FTO: variants seen among roughly 807,000 people sequenced by gnomAD.
FTO encodes the protein alpha-ketoglutarate-dependent dioxygenase FTO.
A neutral mutation model predicts 63.9 loss-of-function variants in FTO; 47 were observed. The ratio of observed to expected loss-of-function variants is 0.74; its 90% confidence interval spans 0.58 to 0.94. FTO has a LOEUF of 0.94. Ranked by LOEUF, FTO falls within the 40% of genes least tolerant of loss-of-function variation. The pLI, the probability that FTO is intolerant of heterozygous loss-of-function variation, is 0.00. For synonymous variants in FTO, 207 were observed against 224.4 expected (o/e 0.92, Z 0.69); for missense variants, 562 against 618.1 (o/e 0.91, Z 0.96).
intron 1 of FTO, among the ~76,000 whole-genome samples, chr16:53,798,305 G>T (rs1186056503): frequency 6.6e-6 from 1 of 151,958 alleles, no homozygotes; most frequent in Non-Finnish European, 1.5e-5. Context: ...GTTTCTAAGT[G>T]AATTTTAGAA....
rs1362827166 is a variant in FTO at position 54,113,558 on chromosome 16, C to G, written c.*1643C>G. On this transcript the variant is annotated 3_prime_UTR_variant, in exon 9 of 9. Coordinates refer to ENST00000471389, the MANE Select transcript of FTO (RefSeq NM_001080432.3). ...CCTGGTGTCTTTGAGCCTCAGTTTCCTCATTGGTAAAAGAGAAGTGAAGCA... is the reference window on the plus strand; with the variant it reads ...CCTGGTGTCTTTGAGCCTCAGTTTCGTCATTGGTAAAAGAGAAGTGAAGCA... The G allele has an allele frequency of 6.6e-6, 1 of 152,126 alleles. No individual in the cohort carries two copies. The highest frequency in any genetic ancestry group is 1.9e-4 in the East Asian group (1 of 5,194). 9.4% of individuals were successfully genotyped at this position (152,126 alleles called of 1,614,324 possible).
At chr16:54,013,408 A>G (rs1029488490) in intron 8 of FTO, 5 of 151,422 alleles carry the variant, frequency 3.3e-5, no homozygotes, top group Non-Finnish European at 5.9e-5. Flanking sequence ...ACTGTGAACA[A>G]TGTTGGAATA....
intron 1 of FTO, among the ~76,000 whole-genome samples, chr16:53,710,771 G>T (rs778428457): frequency 6.6e-6 from 1 of 152,170 alleles, no homozygotes; most frequent in Non-Finnish European, 1.5e-5. Context: ...AAAAACTTAA[G>T]TATCTGGTAA....
intron 3 of FTO, among the ~76,000 whole-genome samples, chr16:53,827,925 T>C (rs1045229234): frequency 6.6e-6 from 1 of 152,220 alleles, no homozygotes; most frequent in Non-Finnish European, 1.5e-5. Flanking sequence ...CAGTGGTATG[T>C]GATAGTACAA....
At position 54,065,220 on chromosome 16, in the gene FTO, C is replaced by T. The variant is rs968081364; in HGVS notation, c.1365-46542C>T. Among the ~76,000 whole-genome samples, 5 of 151,136 alleles carry T rather than the reference C, an allele frequency of 3.3e-5. No individual in the cohort carries two copies. The East Asian group carries it at 9.8e-4, about 30-fold the overall frequency. ...TCATCCAGTCTGGAGTGCAGTGGTG[C>T]AATCATAGCTCACTGCAGCCTCAAA... On this transcript the variant is annotated intron_variant, in intron 8 of 8. Transcript: ENST00000471389.
intron 1 of FTO, among the ~76,000 whole-genome samples, chr16:53,782,196 T>G (rs1051757777): frequency 6.6e-6 from 1 of 152,244 alleles, no homozygotes; most frequent in Non-Finnish European, 1.5e-5. Context: ...TGTTTTGTTT[T>G]GGCTTTCTGC....
rs145330488 is a variant in FTO, at chr16:53,852,153, G to A, written c.895+7855G>A. On this transcript the variant is annotated intron_variant, in intron 4 of 8. Transcript: ENST00000471389. ...AAGCCAGGTATGGTGGCAAACACCCGTGGTCACAACTACTTGGGAGGTTGA... is the reference window on the plus strand; with the variant it reads ...AAGCCAGGTATGGTGGCAAACACCCATGGTCACAACTACTTGGGAGGTTGA... Among the ~76,000 whole-genome samples the A allele has an allele frequency of 9.8e-3, 1,412 of 144,762 alleles. 10 individuals carry two copies. Among genetic ancestry groups the A allele is most frequent in the Non-Finnish European group, 0.013 (874 of 66,998 alleles). 95.0% of individuals were successfully genotyped at this position (144,762 alleles called of 152,430 possible). A position where few individuals can be genotyped will look rare whatever the true frequency, so the allele number is the denominator to read the frequency against.
chr16:53,938,455 A>G (rs1042155766), intron 8 of FTO, among the ~76,000 whole-genome samples: 1 of 152,220 alleles, frequency 6.6e-6, no homozygotes, highest in Non-Finnish European at 1.5e-5. Flanking sequence ...CAGACCAGTG[A>G]TGATGGAGGC....
chr16:53,804,148 A>G (rs1479693133), intron 1 of FTO, among the ~76,000 whole-genome samples: 1 of 152,202 alleles, frequency 6.6e-6, no homozygotes, highest in African/African-American at 2.4e-5. Context: ...GTTGCAAATC[A>G]TGCACCTAGA....
intron 8 of FTO, among the ~76,000 whole-genome samples, chr16:53,988,057 G>A (rs1486411757): frequency 6.6e-6 from 1 of 152,026 alleles, no homozygotes; most frequent in African/African-American, 2.4e-5. Flanking sequence ...CTGTTAATAG[G>A]ATTTATAAAA....
At chr16:53,882,344 A>T (rs757440801) in intron 6 of FTO, among the ~76,000 whole-genome samples, 23 of 150,912 alleles carry the variant, frequency 1.5e-4, no homozygotes, top group Non-Finnish European at 2.5e-4. Flanking sequence ...TAAATTATAC[A>T]GTATGTTAGA....
At chr16:53,937,617 G>C (rs1465584747) in intron 8 of FTO, 1 of 194,408 alleles carries the variant, frequency 5.1e-6, no homozygotes, top group Non-Finnish European at 1.0e-5. Context: ...AGTGAGAGGA[G>C]GGTGGGGCCC....
intron 4 of FTO, among the ~76,000 whole-genome samples, chr16:53,855,432 G>A (rs1259568668): frequency 1.1e-4 from 17 of 152,068 alleles, no homozygotes; most frequent in Non-Finnish European, 1.9e-4. Flanking sequence ...TTCCAGGCAA[G>A]GACTGTTTTA....
intron 1 of FTO, among the ~76,000 whole-genome samples, chr16:53,739,346 T>C (rs148416704): frequency 0.31 from 46,163 of 150,486 alleles, 8,587 homozygotes; most frequent in Middle Eastern, 0.44. Context: ...GCTGGGACTA[T>C]AGGCGCCCGC....
In FTO at chr16:53,954,220, A is replaced by AT. The variant is rs376639217; in HGVS notation, c.1364+20111_1364+20112insT. ...ATTTAAGCACATCTCGAGAATGAGG[A>AT]GTTAGTAAGAGTTGTTGAAATCAAA... On this transcript the variant is annotated intron_variant, in intron 8 of 8. Transcript: ENST00000471389. Among the ~76,000 whole-genome samples, 1,181 of 152,302 alleles carry AT rather than the reference A, an allele frequency of 7.8e-3. 12 individuals are homozygous for AT. The highest frequency in any genetic ancestry group is 0.027 in the African/African-American group (1,106 of 41,568).
chr16:53,824,511 T>A (rs1174335708), intron 2 of FTO, among the ~76,000 whole-genome samples: 1 of 152,198 alleles, frequency 6.6e-6, no homozygotes, highest in Non-Finnish European at 1.5e-5. Context: ...AATTTGGGGT[T>A]GCTTTTCTTT....
chr16:54,088,228 A>G (rs1253522735), intron 8 of FTO, among the ~76,000 whole-genome samples: 7 of 152,214 alleles, frequency 4.6e-5, no homozygotes, highest in African/African-American at 1.2e-4. Flanking sequence ...TTATTATGCC[A>G]TACAAATCAA....
chr16:53,744,447 T>C (rs2076600510), intron 1 of FTO, among the ~76,000 whole-genome samples: 1 of 152,202 alleles, frequency 6.6e-6, no homozygotes, highest in Admixed American at 6.5e-5. Context: ...TCTAGTTGAC[T>C]CCCCAGTTGT....
rs372934370 is a variant in FTO, at chr16:53,719,355, C to T, written c.45+15126C>T. On this transcript the variant is annotated intron_variant, in intron 1 of 8. Coordinates refer to ENST00000471389, the MANE Select transcript of FTO (RefSeq NM_001080432.3). ...CAAACAGTTCTCCTGCTTCAGCCCC[C>T]CGAGTAGCTGGGATTACAGGCGTGC... is the stretch of plus-strand genomic sequence containing the variant. 4.6e-5 allele frequency among the ~76,000 whole-genome samples: 7 copies of T among 151,736 alleles called. 1 individual carries two copies. The highest frequency in any genetic ancestry group is 1.5e-4 in the African/African-American group (6 of 41,366).
Sources: allele counts gnomAD v4.1 joint callset (sites outside exome capture counted in the v4.1 genomes callset), GRCh38; gene constraint gnomAD v4.1.1; transcripts MANE v1.5; gene names NCBI Gene and HGNC (gene_info 2026-07-23, HGNC 2026-07-21).